Variants in PLCG2 observed in about 807,000 individuals in gnomAD.
PLCG2 encodes phospholipase C gamma 2.
Under a neutral mutation model 175.6 loss-of-function variants are expected in PLCG2, and 69 were observed. That is an observed-to-expected ratio of 0.39 (90% CI 0.32 to 0.48). The LOEUF (loss-of-function observed/expected upper bound fraction) is 0.48. Among genes scored for constraint, PLCG2 ranks in the 20% least tolerant of loss-of-function variants. PLCG2 has a pLI of 0.91. For missense variants in PLCG2, 1,798 were observed against 1,650.9 expected, an observed-to-expected ratio of 1.09 and a Z score of -1.54; for synonymous variants, 827 against 624.0, an observed-to-expected ratio of 1.33 and a Z score of -4.85.
intron 5 of PLCG2, among the ~76,000 whole-genome samples, chr16:81,860,931 C>T (rs532001679): frequency 3.3e-5 from 5 of 152,038 alleles, no homozygotes; most frequent in Non-Finnish European, 7.4e-5. Flanking sequence ...GAGCCGAGAT[C>T]GCGCCACTCT....
chr16:81,944,050 C>T (rs1288376192), intron 30 of PLCG2, among the ~76,000 whole-genome samples: 2 of 152,082 alleles, frequency 1.3e-5, no homozygotes, highest in East Asian at 1.9e-4. Flanking sequence ...GATGAGCATC[C>T]AGCCATTAAA....
At chr16:81,957,935 G>A in intron 32 of PLCG2, 21 bp from the exon 33 acceptor site, 1 of 1,611,452 alleles carries the variant, frequency 6.2e-7, no homozygotes, top group Non-Finnish European at 8.5e-7. Context: ...ACTGCTGATG[G>A]TGAAATCTGT....
chr16:81,803,890 C>A (rs558308988), intron 2 of PLCG2, among the ~76,000 whole-genome samples: 21 of 152,230 alleles, frequency 1.4e-4, no homozygotes, highest in Non-Finnish European at 2.6e-4. Context: ...CTATGTTGGC[C>A]AAGCTAGTCT....
At chr16:81,753,917 C>G (rs997888683) in intron 1 of PLCG2, among the ~76,000 whole-genome samples, 5 of 152,160 alleles carry the variant, frequency 3.3e-5, no homozygotes, top group African/African-American at 1.2e-4. Context: ...CCTGGGCCAA[C>G]AGCCAGGGCT....
At chr16:81,906,031 C>A (rs889186459) in intron 15 of PLCG2, among the ~76,000 whole-genome samples, 3 of 152,178 alleles carry the variant, frequency 2.0e-5, no homozygotes, top group Non-Finnish European at 4.4e-5. Context: ...TTTACACACA[C>A]AAATAGTATG....
At chr16:81,815,404 G>C (rs2143311357) in intron 2 of PLCG2, among the ~76,000 whole-genome samples, 1 of 152,330 alleles carries the variant, frequency 6.6e-6, no homozygotes, top group South Asian at 2.1e-4. Flanking sequence ...TACAGTCTTA[G>C]AGTGTATCCC....
chr16:81,793,606 A>C (rs1335822331), intron 2 of PLCG2, among the ~76,000 whole-genome samples: 1 of 152,150 alleles, frequency 6.6e-6, no homozygotes, highest in Non-Finnish European at 1.5e-5. Context: ...GCTGCCCATG[A>C]GTGACGGATT....
intron 9 of PLCG2, among the ~76,000 whole-genome samples, chr16:81,888,260 G>C (rs1302844006): frequency 6.6e-6 from 1 of 152,092 alleles, no homozygotes; most frequent in Non-Finnish European, 1.5e-5. Context: ...GTCCAGGCTG[G>C]AGTGCAATGG....
intron 2 of PLCG2, among the ~76,000 whole-genome samples, chr16:81,838,197 A>G (rs1597347156): frequency 6.7e-6 from 1 of 149,856 alleles, no homozygotes. Flanking sequence ...TCTTGCCTCA[A>G]CCTCCCAGCT....
Position 81,795,226 on chromosome 16 carries a change from C to T in PLCG2, c.193+9044C>T, listed in dbSNP as rs560808244. Among the ~76,000 whole-genome samples the T allele has an allele frequency of 9.9e-5, 15 of 152,194 alleles. No individual in the cohort carries two copies. In the East Asian group the frequency reaches 1.2e-3, roughly 12 times the overall value. ...TTCAATCATGTTGGATCGTGATAGA[C>T]GCTAGGAAGGAAAGGAACAGGGTAC... On this transcript the variant is annotated intron_variant, in intron 2 of 32. Transcript: ENST00000564138.
At chr16:81,805,101 A>G (rs1911933424) in intron 2 of PLCG2, among the ~76,000 whole-genome samples, 1 of 152,088 alleles carries the variant, frequency 6.6e-6, no homozygotes, top group Non-Finnish European at 1.5e-5. Flanking sequence ...GTGCCAGAAA[A>G]CCTTTAGGTT....
At position 81,769,413 on chromosome 16, in the gene PLCG2, C is replaced by T. The variant is rs71400173; in HGVS notation, c.-48+13447C>T. Among the ~76,000 whole-genome samples, 19 of 152,284 alleles carry T rather than the reference C, an allele frequency of 1.2e-4. No homozygotes were observed. In the Middle Eastern group the frequency reaches 0.01, roughly 82 times the overall value. On this transcript the variant is annotated intron_variant, in intron 2 of 5. Coordinates refer to the PLCG2 transcript ENST00000565054. The stretch of plus-strand genomic sequence containing the variant: ...TGCGGATCCCTAGGCCCTGCCCCTA[C>T]GTTCTGATTCAGTAAGGCCAATAAC...
In PLCG2 at chr16:81,961,895, A is replaced by G. The variant is rs559619566; in HGVS notation, c.*3897A>G. 1 of 198,890 alleles carries G rather than the reference A, an allele frequency of 5.0e-6. No homozygotes were observed. The highest frequency in any genetic ancestry group is 6.0e-5 in the Admixed American group (1 of 16,566). The allele number at this position is 198,890 out of a possible 1,614,324, so 12.3% of individuals were successfully genotyped here. A position where few individuals can be genotyped will look rare whatever the true frequency, so the allele number is the denominator to read the frequency against. ...AGATTTTCAAAATTCACTTAAGAGT[A>G]TCTGAGCATAAAATGTTAAGATTGC... On this transcript the variant is annotated 3_prime_UTR_variant, in exon 33 of 33. Transcript: ENST00000564138.
chr16:81,775,413 C>T (rs1025543905), upstream of PLCG2, among the ~76,000 whole-genome samples: 2 of 152,130 alleles, frequency 1.3e-5, no homozygotes, highest in East Asian at 3.8e-4. Flanking sequence ...GAACTGGAGC[C>T]CAGATTCCTT....
intron 2 of PLCG2, among the ~76,000 whole-genome samples, chr16:81,758,825 A>C (rs889118928): frequency 2.0e-5 from 3 of 151,930 alleles, no homozygotes; most frequent in Admixed American, 6.6e-5. Context: ...TTACAGGTGC[A>C]CACCACCATG....
intron 2 of PLCG2, among the ~76,000 whole-genome samples, chr16:81,772,275 G>C (rs911916084): frequency 6.6e-6 from 1 of 152,092 alleles, no homozygotes; most frequent in Non-Finnish European, 1.5e-5. Context: ...GCCAAGGAGC[G>C]CATGATCACC....
intron 2 of PLCG2, among the ~76,000 whole-genome samples, chr16:81,804,753 G>T (rs1911914520): frequency 6.6e-6 from 1 of 152,114 alleles, no homozygotes; most frequent in Admixed American, 6.6e-5. Context: ...TGTCCACTTT[G>T]AGCTCCTCTG....
intron 1 of PLCG2, among the ~76,000 whole-genome samples, chr16:81,753,467 G>T (rs1231455124): frequency 6.8e-6 from 1 of 147,510 alleles, no homozygotes; most frequent in Non-Finnish European, 1.5e-5. Context: ...TGCCCAAGCT[G>T]GAGTGCAGTA....
chr16:81,780,511 C>T (rs1187287888), intron 1 of PLCG2, among the ~76,000 whole-genome samples: 1 of 152,204 alleles, frequency 6.6e-6, no homozygotes, highest in African/African-American at 2.4e-5. Context: ...AGCAGTTTCT[C>T]TTGCAAAGGT....
Sources: gnomAD v4.1 joint callset for allele counts (sites outside exome capture counted in the v4.1 genomes callset) on GRCh38, gnomAD v4.1.1 for gene constraint, MANE v1.5 for transcripts, NCBI Gene and HGNC (gene_info 2026-07-23, HGNC 2026-07-21) for gene names.